RAF1: variants seen among roughly 807,000 people sequenced by gnomAD.
The protein encoded by RAF1 is RAF proto-oncogene serine/threonine-protein kinase.
In RAF1, 27 loss-of-function variants were observed where a neutral mutation model predicts 81.1. The ratio of observed to expected loss-of-function variants is 0.33; its 90% confidence interval spans 0.25 to 0.46. The LOEUF (loss-of-function observed/expected upper bound fraction) is 0.46, where lower values mean the gene tolerates loss of function less well. Among genes scored for constraint, RAF1 ranks in the 20% least tolerant of loss-of-function variants. The pLI is 1.00. For missense variants in RAF1, 598 were observed against 826.0 expected (o/e 0.72, Z 3.38); for synonymous variants, 298 against 294.0 (o/e 1.01, Z -0.14).
intron 1 of RAF1, among the ~76,000 whole-genome samples, chr3:12,647,402 A>C (rs551129310): frequency 3.2e-4 from 49 of 152,072 alleles, no homozygotes; most frequent in Non-Finnish European, 3.5e-4. Flanking sequence ...GAAGCTTGAG[A>C]CCAGCCTGGA....
At chr3:12,636,104 G>A (rs919063446) in intron 1 of RAF1, among the ~76,000 whole-genome samples, 1 of 151,678 alleles carries the variant, frequency 6.6e-6, no homozygotes, top group African/African-American at 2.4e-5. Flanking sequence ...TGGCCAGTGT[G>A]GTGAAACCCC....
intron 1 of RAF1, among the ~76,000 whole-genome samples, chr3:12,626,522 T>C (rs2059707395): frequency 6.7e-6 from 1 of 149,604 alleles, no homozygotes; most frequent in African/African-American, 2.5e-5. Flanking sequence ...GCAAAGGAGG[T>C]CGAAGCTGCA....
At position 12,585,807 on chromosome 3, in the gene RAF1, CTTG is replaced by C; in HGVS notation, c.1478-11_1478-9del. On this transcript the variant is annotated splice_polypyrimidine_tract_variant and intron_variant, in intron 14 of 17. Coordinates refer to ENST00000442415, the MANE Select transcript of RAF1 (RefSeq NM_001354689.3). Reference sequence around the variant, plus strand: ...CTTCATGGAGAAATATATCTCAATGCTTGTTAAGGACTCTGGTTTCAAAAGAAT... The same window carrying C: ...CTTCATGGAGAAATATATCTCAATGCTTAAGGACTCTGGTTTCAAAAGAAT... The C allele has an allele frequency of 6.4e-7, 1 of 1,571,054 alleles. No individual in the cohort carries two copies. The highest frequency in any genetic ancestry group is 8.8e-7 in the Non-Finnish European group (1 of 1,140,746).
Position 12,663,902 on chromosome 3 carries a change from G to A in RAF1, c.-116C>T, listed in dbSNP as rs2060966606. ...CCCGCGGCGGGTGAGGGAGCGGGAGGCGGTCACATTCGGCGCGTCCCCAGC... is the reference window on the plus strand; with the variant it reads ...CCCGCGGCGGGTGAGGGAGCGGGAGACGGTCACATTCGGCGCGTCCCCAGC... On this transcript the variant is annotated 5_prime_UTR_variant, in exon 1 of 18. Coordinates refer to ENST00000442415, the MANE Select transcript of RAF1 (RefSeq NM_001354689.3). 1 of 398,100 alleles carries A rather than the reference G, an allele frequency of 2.5e-6. No individual in the cohort carries two copies. The highest frequency in any genetic ancestry group is 2.1e-5 in the African/African-American group (1 of 48,608). The allele number at this position is 398,100 out of a possible 1,614,324, so 24.7% of individuals were successfully genotyped here. A position where few individuals can be genotyped will look rare whatever the true frequency, so the allele number is the denominator to read the frequency against.
In RAF1 at chr3:12,585,110, G is replaced by T; in HGVS notation, c.1728+12C>A. The T allele has an allele frequency of 6.2e-7, 1 of 1,614,150 alleles. No individual in the cohort carries two copies. Among genetic ancestry groups the T allele is most frequent in the Non-Finnish European group, 8.5e-7 (1 of 1,180,024 alleles). The stretch of plus-strand genomic sequence containing the variant: ...CCACGAGTTGGGTCCTTTCGCACCA[G>T]CACAGACTTACCTGATCTCGGTTGT... On this transcript the variant is annotated intron_variant, in intron 16 of 17. Coordinates refer to ENST00000442415, the MANE Select transcript of RAF1 (RefSeq NM_001354689.3).
chr3:12,614,175 G>T (rs748957137), intron 2 of RAF1, among the ~76,000 whole-genome samples: 1 of 152,134 alleles, frequency 6.6e-6, no homozygotes, highest in Non-Finnish European at 1.5e-5. Context: ...AGGGGCAGGG[G>T]TCACCCAAGA....
intron 1 of RAF1, among the ~76,000 whole-genome samples, chr3:12,624,799 T>C (rs1297970967): frequency 6.6e-6 from 1 of 151,114 alleles, no homozygotes; most frequent in Non-Finnish European, 1.5e-5. Context: ...GTCAGGAGAA[T>C]TGCTTGAACC....
At chr3:12,620,036 C>T (rs1048485922) in intron 1 of RAF1, among the ~76,000 whole-genome samples, 6 of 152,036 alleles carry the variant, frequency 3.9e-5, no homozygotes, top group African/African-American at 1.4e-4. Context: ...GAGCTGAGAT[C>T]GCACCACTGC....
chr3:12,662,598 T>C (rs1352683355), intron 1 of RAF1, among the ~76,000 whole-genome samples: 1 of 151,920 alleles, frequency 6.6e-6, no homozygotes, highest in African/African-American at 2.4e-5. Context: ...CTCTCATCTC[T>C]CACCATTTCC....
In RAF1 at chr3:12,600,162, T is replaced by G; in HGVS notation, c.1040A>C (p.Lys347Thr). 1 of 1,614,156 alleles carries G rather than the reference T, an allele frequency of 6.2e-7. No individual in the cohort carries two copies. The highest frequency in any genetic ancestry group is 8.5e-7 in the Non-Finnish European group (1 of 1,180,016). ...GTTGTCTATACTCACAATTTTGTTTTTCTCCTGGGTCCCAGATACTGGTGC... is the reference window on the plus strand; with the variant it reads ...GTTGTCTATACTCACAATTTTGTTTGTCTCCTGGGTCCCAGATACTGGTGC... The change falls in exon 10 of 18, where the codon AAA becomes ACA. Residue 347 changes from lysine to threonine, a missense_variant. Physicochemically the swap from Lys to Thr is moderately conservative, Grantham distance 78. Transcript: ENST00000442415.
intron 1 of RAF1, among the ~76,000 whole-genome samples, chr3:12,650,742 TTGAATATG>T (rs2060497794): frequency 6.6e-6 from 1 of 152,152 alleles, no homozygotes; most frequent in South Asian, 2.1e-4. Context: ...TTAACAAAAA[TTGAATATG>T]TGCTAGGCAC....
chr3:12,636,488 G>C (rs1043902627), intron 1 of RAF1, among the ~76,000 whole-genome samples: 1 of 145,870 alleles, frequency 6.9e-6, no homozygotes, highest in Non-Finnish European at 1.5e-5. Context: ...CAGTAAGCAT[G>C]GTTGCTCAAA....
intron 14 of RAF1, among the ~76,000 whole-genome samples, chr3:12,586,166 C>T (rs1269990593): frequency 6.6e-6 from 1 of 152,202 alleles, no homozygotes; most frequent in Non-Finnish European, 1.5e-5. Flanking sequence ...CTCCAGTGCT[C>T]CCCAGAGGGC....
intron 3 of RAF1, among the ~76,000 whole-genome samples, chr3:12,610,751 G>A (rs181093656): frequency 3.5e-4 from 54 of 152,268 alleles, no homozygotes; most frequent in African/African-American, 1.3e-3. Context: ...CATAAGTGAC[G>A]CTTTCCAAGA....
In RAF1 at chr3:12,646,676, G is replaced by A. The variant is rs1002899440; in HGVS notation, c.-27+17137C>T. The stretch of plus-strand genomic sequence containing the variant: ...CATGATTCTCCTGCCTCAGCCTCCC[G>A]AGTAGCTGGGATTATAGGCACACAC... On this transcript the variant is annotated intron_variant, in intron 1 of 17. Coordinates refer to ENST00000442415, the MANE Select transcript of RAF1 (RefSeq NM_001354689.3). 7.3e-5 allele frequency among the ~76,000 whole-genome samples: 11 copies of A among 150,736 alleles called. No individual in the cohort carries two copies. In the South Asian group the frequency reaches 1.5e-3, roughly 20 times the overall value.
chr3:12,634,664 CT>C (rs1270165814), intron 1 of RAF1, among the ~76,000 whole-genome samples: 1 of 151,950 alleles, frequency 6.6e-6, no homozygotes, highest in African/African-American at 2.4e-5. Flanking sequence ...ACATAATGGC[CT>C]TTTTTTCTTG....
chr3:12,661,640 T>C (rs1316971154), intron 1 of RAF1, among the ~76,000 whole-genome samples: 1 of 151,756 alleles, frequency 6.6e-6, no homozygotes, highest in Non-Finnish European at 1.5e-5. Flanking sequence ...GAGGCAGAGG[T>C]TGCAGTGAGC....
At position 12,633,947 on chromosome 3, in the gene RAF1, A is replaced by C. The variant is rs921109464; in HGVS notation, c.-26-15200T>G. ...TAAAAACTCTCTCAAAAAAAAAAAA[A>C]AAAACAAAAAAAATCAGGAATCCGA... is the stretch of plus-strand genomic sequence containing the variant. On this transcript the variant is annotated intron_variant, in intron 1 of 17. Coordinates refer to ENST00000442415, the MANE Select transcript of RAF1 (RefSeq NM_001354689.3). 5.1e-4 allele frequency among the ~76,000 whole-genome samples: 77 copies of C among 151,816 alleles called. No individual in the cohort carries two copies. The Middle Eastern group carries it at 0.01, about 20-fold the overall frequency.
intron 1 of RAF1, among the ~76,000 whole-genome samples, chr3:12,643,400 G>GT (rs11425554): frequency 0.22 from 33,637 of 152,000 alleles, 4,122 homozygotes; most frequent in African/African-American, 0.33. Context: ...TAAGAAAAGA[G>GT]TAACTATAGG....
Sources: gnomAD v4.1 joint callset for allele counts (sites outside exome capture counted in the v4.1 genomes callset) on GRCh38, gnomAD v4.1.1 for gene constraint, MANE v1.5 for transcripts, NCBI Gene and HGNC (gene_info 2026-07-23, HGNC 2026-07-21) for gene names.